Variants in SLC18B1 observed in about 807,000 individuals in gnomAD.
SLC18B1 encodes the protein MFS-type transporter SLC18B1.
SLC18B1 carries 62 observed loss-of-function variants against 53.9 expected under a neutral mutation model. The ratio of observed to expected loss-of-function variants is 1.15; its 90% CI spans 0.94 to 1.42. SLC18B1 has a LOEUF of 1.42. SLC18B1 is among the 40% of genes most tolerant of loss of function. The pLI, the probability that SLC18B1 is intolerant of heterozygous loss-of-function variation, is 0.00. For missense variants in SLC18B1, 598 were observed against 547.3 expected (o/e 1.09, Z -0.93); for synonymous variants, 217 against 200.9 (o/e 1.08, Z -0.68).
intron 6 of SLC18B1, 68 bp from the exon 7 acceptor site, chr6:132,779,472 T>A (rs925971277): frequency 2.0e-6 from 3 of 1,519,870 alleles, no homozygotes; most frequent in East Asian, 4.6e-5. Context: ...TTTAACTATT[T>A]GGAAAACTGG....
At chr6:132,792,488 A>G (rs1410530078) in intron 2 of SLC18B1, among the ~76,000 whole-genome samples, 1 of 152,152 alleles carries the variant, frequency 6.6e-6, no homozygotes, top group African/African-American at 2.4e-5. Context: ...AGAATCTAGC[A>G]GAAAATATAT....
Position 132,772,149 on chromosome 6 carries a change from A to G in SLC18B1, c.1143T>C (p.Ser381=). The G allele has an allele frequency of 6.3e-7, 1 of 1,575,460 alleles. No individual in the cohort carries two copies. Among genetic ancestry groups the G allele is most frequent in the Non-Finnish European group, 8.6e-7 (1 of 1,167,628 alleles). The change falls in exon 11 of 14, where the codon AGT becomes AGC. Residue 381 remains serine, a synonymous_variant. Coordinates refer to ENST00000275227, the MANE Select transcript of SLC18B1 (RefSeq NM_052831.3). ...STLGLVSGLF[S]AMWSIGAFMG... is the part of the protein sequence containing the mutation. ...CTACTCACCCAATTGACCACATTGCACTAAAAAGACCTGATACAAGTCCCA... is the reference window on the plus strand; with the variant it reads ...CTACTCACCCAATTGACCACATTGCGCTAAAAAGACCTGATACAAGTCCCA...
chr6:132,791,796 TC>T (rs968099909), intron 2 of SLC18B1, among the ~76,000 whole-genome samples: 1 of 152,154 alleles, frequency 6.6e-6, no homozygotes, highest in Non-Finnish European at 1.5e-5. Context: ...AAGAGAGAGT[TC>T]ATTAAAATAC....
intron 4 of SLC18B1, among the ~76,000 whole-genome samples, chr6:132,788,845 A>C (rs1247302069): frequency 3.3e-5 from 5 of 149,754 alleles, no homozygotes; most frequent in African/African-American, 9.9e-5. Flanking sequence ...AAAAAAAAAA[A>C]CATGTAGAAT....
intron 2 of SLC18B1, among the ~76,000 whole-genome samples, chr6:132,796,039 C>A (rs118170014): frequency 6.6e-6 from 1 of 152,082 alleles, no homozygotes; most frequent in Non-Finnish European, 1.5e-5. Context: ...ATGGCAAAAA[C>A]CTGTCTCTAC....
At chr6:132,796,442 A>G (rs374814229) in intron 2 of SLC18B1, among the ~76,000 whole-genome samples, 2 of 148,326 alleles carry the variant, frequency 1.3e-5, no homozygotes, top group Non-Finnish European at 3.0e-5. Context: ...AGGAGAATCA[A>G]TTGAACCCGG....
At chr6:132,791,425 C>A (rs1280659073) in intron 2 of SLC18B1, among the ~76,000 whole-genome samples, 2 of 152,192 alleles carry the variant, frequency 1.3e-5, no homozygotes, top group East Asian at 3.8e-4. Flanking sequence ...TTTTCTCCAT[C>A]CCTTCCCATG....
chr6:132,787,416 T>C lies in SLC18B1; in HGVS notation c.501+18A>G, dbSNP rs761840734. On this transcript the variant is annotated intron_variant, in intron 5 of 13. Coordinates refer to ENST00000275227, the MANE Select transcript of SLC18B1 (RefSeq NM_052831.3). ...CCTACACTCAAAGGAAAGTGGGAAATACTTCTAAAATACATACCAATACCG... is the reference window on the plus strand; with the variant it reads ...CCTACACTCAAAGGAAAGTGGGAAACACTTCTAAAATACATACCAATACCG... The C allele has an allele frequency of 2.0e-6, 3 of 1,536,350 alleles. No homozygotes were observed. Among genetic ancestry groups the C allele is most frequent in the Non-Finnish European group, 2.6e-6 (3 of 1,146,008 alleles).
In SLC18B1 at chr6:132,798,620, A is replaced by C; in HGVS notation, c.-164T>G. 2 of 654,530 alleles carry C rather than the reference A, an allele frequency of 3.1e-6. No homozygotes were observed. The highest frequency in any genetic ancestry group is 4.5e-6 in the Non-Finnish European group (2 of 441,110). The allele number at this position is 654,530 out of a possible 1,614,324, so 40.5% of individuals were successfully genotyped here. On this transcript the variant is annotated 5_prime_UTR_variant, in exon 1 of 14. Transcript: ENST00000275227. ...CGATCCGCCCGGCCCGGAGCTCCCC[A>C]AAGCCTTCCAGGACTCTGGGTCCCC...
intron 1 of SLC18B1, among the ~76,000 whole-genome samples, chr6:132,798,124 C>T (rs1407993979): frequency 2.0e-5 from 3 of 152,144 alleles, no homozygotes; most frequent in African/African-American, 4.8e-5. Flanking sequence ...TGAAAGGTAA[C>T]GTTTTACATT....
intron 7 of SLC18B1, among the ~76,000 whole-genome samples, chr6:132,778,879 G>A (rs1781159225): frequency 2.0e-5 from 3 of 152,220 alleles, no homozygotes; most frequent in South Asian, 4.1e-4. Context: ...TGGACCCAGG[G>A]GGGATCTGTT....
rs184266031 is a variant in SLC18B1 at position 132,777,936 on chromosome 6, C to T, written c.795+1332G>A. Among the ~76,000 whole-genome samples the T allele has an allele frequency of 9.2e-5, 14 of 152,210 alleles. No individual in the cohort carries two copies. In the South Asian group the frequency reaches 1.9e-3, roughly 20 times the overall value. On this transcript the variant is annotated intron_variant, in intron 7 of 13. Transcript: ENST00000275227. Reference sequence around the variant, plus strand: ...CCGTGTAAACAGACCACCAAACAGGCTTTGTGTGAGCAATAAAGCTTTTTA... The same window carrying T: ...CCGTGTAAACAGACCACCAAACAGGTTTTGTGTGAGCAATAAAGCTTTTTA...
chr6:132,792,255 GA>G (rs751848880), intron 2 of SLC18B1, among the ~76,000 whole-genome samples: 1 of 26,182 alleles, frequency 3.8e-5, no homozygotes, highest in African/African-American at 2.9e-4. Context: ...AAGAAAGAAA[GA>G]AAGAAAGAAA....
rs780737208 is a variant in SLC18B1, at chr6:132,796,354, C to CAAAAAAAAAA, written c.183+618_183+627dup. On this transcript the variant is annotated intron_variant, in intron 2 of 13. Transcript: ENST00000275227. ...TGGGCGAGAGTGCGAGACTCCATCT[C>CAAAAAAAAAA]AAAAAAAAAAAAAAAAAAAAAATTA... Among the ~76,000 whole-genome samples, 52 of 44,682 alleles carry CAAAAAAAAAA rather than the reference C, an allele frequency of 1.2e-3. 1 individual carries two copies. Among genetic ancestry groups the CAAAAAAAAAA allele is most frequent in the South Asian group, 2.2e-3 (3 of 1,344 alleles). The allele number at this position is 44,682 out of a possible 152,430, so 29.3% of individuals were successfully genotyped here.
At chr6:132,798,123 A>G (rs1224189312) in intron 1 of SLC18B1, among the ~76,000 whole-genome samples, 1 of 152,258 alleles carries the variant, frequency 6.6e-6, no homozygotes, top group African/African-American at 2.4e-5. Flanking sequence ...TTGAAAGGTA[A>G]CGTTTTACAT....
In SLC18B1 at chr6:132,784,040, A is replaced by C. The variant is rs149002403; in HGVS notation, c.551T>G (p.Val184Gly). 1 of 1,609,328 alleles carries C rather than the reference A, an allele frequency of 6.2e-7. No individual in the cohort carries two copies. The highest frequency in any genetic ancestry group is 1.1e-5 in the South Asian group (1 of 90,354). ...AAAGGATTGATACAAAAAGCCACCT[A>C]CAGGAGGACCTAGTATTAGCCCCAG... Reference protein sequence around the residue: ...SGLGLILGPPVGGFLYQSFGY... With the variant: ...SGLGLILGPPGGGFLYQSFGY... The change falls in exon 6 of 14, where the codon GTA becomes GGA. Residue 184 changes from valine (V) to glycine (G), a missense_variant. Transcript: ENST00000275227.
chr6:132,788,347 T>C (rs534262231), intron 4 of SLC18B1, among the ~76,000 whole-genome samples: 2 of 151,252 alleles, frequency 1.3e-5, no homozygotes, highest in South Asian at 4.2e-4. Context: ...ATAATTTTTA[T>C]AATAAATTGC....
intron 7 of SLC18B1, among the ~76,000 whole-genome samples, chr6:132,778,577 G>T (rs1781152070): frequency 6.6e-6 from 1 of 152,082 alleles, no homozygotes; most frequent in Non-Finnish European, 1.5e-5. Flanking sequence ...AAGTTTCTGT[G>T]CTATTTTAAA....
At chr6:132,794,180 T>C (rs1004854193) in intron 2 of SLC18B1, among the ~76,000 whole-genome samples, 1 of 151,342 alleles carries the variant, frequency 6.6e-6, no homozygotes, top group Admixed American at 6.6e-5. Flanking sequence ...CTCGGCTCAC[T>C]GCAACCTCCA....
Sources: allele counts gnomAD v4.1 joint callset (sites outside exome capture counted in the v4.1 genomes callset), GRCh38; gene constraint gnomAD v4.1.1; transcripts MANE v1.5; gene names NCBI Gene and HGNC (gene_info 2026-07-23, HGNC 2026-07-21).